Variants in ELF5 observed in about 807,000 individuals in gnomAD.
ELF5 encodes the protein E74 like ETS transcription factor 5, also known as ETS-related transcription factor Elf-5.
ELF5 carries 31 observed loss-of-function variants against 38.2 expected under a neutral mutation model. That is an observed-to-expected ratio of 0.81 (90% CI 0.61 to 1.10). The LOEUF (loss-of-function observed/expected upper bound fraction) is 1.10, where lower values mean the gene tolerates loss of function less well. ELF5 is among the 50% of genes least tolerant of loss of function. The pLI is 0.00. For missense variants in ELF5, 300 were observed against 306.6 expected, an observed-to-expected ratio of 0.98 and a Z score of 0.16; for synonymous variants, 121 against 112.5, an observed-to-expected ratio of 1.08 and a Z score of -0.48.
chr11:34,505,364 G>A (rs375415310), intron 2 of ELF5, among the ~76,000 whole-genome samples: 173 of 152,312 alleles, frequency 1.1e-3, no homozygotes, highest in South Asian at 0.01. Context: ...CATTTTACTT[G>A]GCAGCAAAAC....
rs1856869579 is a variant in ELF5, at chr11:34,479,299, C to T, written c.*919G>A. The T allele has an allele frequency of 6.6e-6, 1 of 152,264 alleles. No individual in the cohort carries two copies. The highest frequency in any genetic ancestry group is 2.4e-5 in the African/African-American group (1 of 41,446). The allele number at this position is 152,264 out of a possible 1,614,324, so 9.4% of individuals were successfully genotyped here. A position where few individuals can be genotyped will look rare whatever the true frequency, so the allele number is the denominator to read the frequency against. ...ATTTTATTGTGTTGACAGCTTGAAT[C>T]ACAGAAACAGCAGTGATTTTGTAAT... On this transcript the variant is annotated 3_prime_UTR_variant, in exon 7 of 7. Transcript: ENST00000257832.
At chr11:34,499,293 G>A (rs1423435937) in intron 2 of ELF5, among the ~76,000 whole-genome samples, 2 of 152,150 alleles carry the variant, frequency 1.3e-5, no homozygotes. Context: ...CCGGGCTGGA[G>A]TGCAGTTGCT....
chr11:34,505,836 T>C (rs1850603545), intron 1 of ELF5, 83 bp from the exon 2 acceptor site: 1 of 1,472,646 alleles, frequency 6.8e-7, no homozygotes, highest in Admixed American at 2.6e-5. Context: ...AGCAGGGCGA[T>C]ACTTGTTTTT....
chr11:34,484,481 A>ATACTATCCTATACTATACTATACTAT (rs111444312), intron 4 of ELF5, among the ~76,000 whole-genome samples: 3 of 115,854 alleles, frequency 2.6e-5, no homozygotes, highest in African/African-American at 1.0e-4. Context: ...ACACTATACT[A>ATACTATCCTATACTATACTATACTAT]ACTATACTAT....
At chr11:34,482,611 C>T in intron 4 of ELF5, 112 bp from the exon 5 acceptor site, 1 of 783,686 alleles carries the variant, frequency 1.3e-6, no homozygotes, top group Non-Finnish European at 2.0e-6. Context: ...TAGAAGACAC[C>T]ACATTAGGCA....
chr11:34,510,311 G>GTTT (rs33963110), intron 1 of ELF5, among the ~76,000 whole-genome samples: 65 of 139,958 alleles, frequency 4.6e-4, no homozygotes, highest in Admixed American at 7.8e-4. Context: ...AGAAAAAGGT[G>GTTT]TTTTTTTTTT....
Position 34,480,142 on chromosome 11 carries a change from C to G in ELF5, c.*76G>C, listed in dbSNP as rs1005586384. The stretch of plus-strand genomic sequence containing the variant: ...TAAAAAAAAAGAGAAGAAAATGAAG[C>G]CTTTCGAATGTCTATTGCAATCTGA... On this transcript the variant is annotated 3_prime_UTR_variant, in exon 7 of 7. Transcript: ENST00000257832. 19 of 1,185,394 alleles carry G rather than the reference C, an allele frequency of 1.6e-5. No homozygotes were observed. The highest frequency in any genetic ancestry group is 1.2e-4 in the East Asian group (5 of 42,204). 73.4% of individuals were successfully genotyped at this position (1,185,394 alleles called of 1,614,324 possible).
chr11:34,484,850 A>G (rs572934680), intron 4 of ELF5, among the ~76,000 whole-genome samples: 1 of 152,060 alleles, frequency 6.6e-6, no homozygotes, highest in South Asian at 2.1e-4. Context: ...CTGCCTCAGG[A>G]CCTTTGCACA....
chr11:34,502,693 C>T (rs930277562), intron 2 of ELF5, among the ~76,000 whole-genome samples: 1 of 152,216 alleles, frequency 6.6e-6, no homozygotes, highest in Admixed American at 6.5e-5. Flanking sequence ...GAAAGCCTGG[C>T]TCCATCCCTC....
intron 2 of ELF5, among the ~76,000 whole-genome samples, chr11:34,494,403 T>C (rs892998766): frequency 6.6e-6 from 1 of 152,248 alleles, no homozygotes; most frequent in African/African-American, 2.4e-5. Flanking sequence ...GCCCAGAGTC[T>C]GACAGTCCTT....
intron 3 of ELF5, among the ~76,000 whole-genome samples, chr11:34,490,362 C>G (rs1287278698): frequency 6.6e-6 from 1 of 152,190 alleles, no homozygotes; most frequent in African/African-American, 2.4e-5. Context: ...GGGTCCAGGG[C>G]TGGGCTCTGA....
chr11:34,500,351 A>G (rs1457026492), intron 2 of ELF5, among the ~76,000 whole-genome samples: 1 of 152,230 alleles, frequency 6.6e-6, no homozygotes, highest in Non-Finnish European at 1.5e-5. Context: ...GAAGGACTTT[A>G]TGAGGGAAAA....
intron 2 of ELF5, among the ~76,000 whole-genome samples, chr11:34,500,013 T>C (rs1045632091): frequency 6.6e-5 from 10 of 152,256 alleles, no homozygotes; most frequent in African/African-American, 1.9e-4. Context: ...GGTAAAGAAC[T>C]TAGCCTAGTA....
At chr11:34,500,319 A>G (rs72927347) in intron 2 of ELF5, among the ~76,000 whole-genome samples, 20,039 of 152,234 alleles carry the variant, frequency 0.13, 1,466 homozygotes, top group Admixed American at 0.21. Context: ...GGCACCATCA[A>G]TTGCAGCTTT....
chr11:34,491,404 C>T (rs1437678110), intron 3 of ELF5, among the ~76,000 whole-genome samples: 1 of 151,834 alleles, frequency 6.6e-6, no homozygotes, highest in African/African-American at 2.4e-5. Flanking sequence ...CAATATGGAA[C>T]ACTCCTGGCC....
intron 2 of ELF5, among the ~76,000 whole-genome samples, chr11:34,502,138 C>T (rs1299530475): frequency 6.6e-6 from 1 of 152,180 alleles, no homozygotes; most frequent in South Asian, 2.1e-4. Flanking sequence ...ACTTCGTACA[C>T]AAAATATCAT....
intron 3 of ELF5, chr11:34,493,246 TTTTC>T (rs1270803007): frequency 3.3e-6 from 2 of 600,898 alleles, no homozygotes; most frequent in African/African-American, 3.7e-5. Flanking sequence ...TGGTGTCCGT[TTTTC>T]TTTCTCTTTT....
In ELF5 at chr11:34,490,141, G is replaced by A. The variant is rs1014426419; in HGVS notation, c.356-82C>T. On this transcript the variant is annotated intron_variant, in intron 3 of 6. Coordinates refer to ENST00000257832, the MANE Select transcript of ELF5 (RefSeq NM_001422.4). ...CAGGCCAGGAGAGGGGGTGTTGGAG[G>A]GAAGTGGAGTGACTGTCCCTCTTGA... 2.7e-6 allele frequency: 4 copies of A among 1,466,458 alleles called. No homozygotes were observed. In the East Asian group the frequency reaches 6.8e-5, roughly 25 times the overall value. The allele number at this position is 1,466,458 out of a possible 1,614,324, so 90.8% of individuals were successfully genotyped here. A position where few individuals can be genotyped will look rare whatever the true frequency, so the allele number is the denominator to read the frequency against.
chr11:34,509,930 C>T (rs1352185462), intron 1 of ELF5, among the ~76,000 whole-genome samples: 4 of 152,018 alleles, frequency 2.6e-5, no homozygotes, highest in Admixed American at 6.6e-5. Flanking sequence ...ATACAAAACA[C>T]GACAGTGGGA....
Sources: allele counts gnomAD v4.1 joint callset (sites outside exome capture counted in the v4.1 genomes callset), GRCh38; gene constraint gnomAD v4.1.1; transcripts MANE v1.5; gene names NCBI Gene and HGNC (gene_info 2026-07-23, HGNC 2026-07-21).